LARP4B: variants seen among roughly 807,000 people sequenced by gnomAD.
LARP4B encodes the protein La ribonucleoprotein 4B.
A neutral mutation model predicts 89.8 loss-of-function variants in LARP4B; 12 were observed. The ratio of observed to expected loss-of-function variants is 0.13; its 90% confidence interval spans 0.09 to 0.22. The LOEUF is 0.22. Among genes scored for constraint, LARP4B ranks in the 10% least tolerant of loss-of-function variants. The probability of loss-of-function intolerance (pLI) is 1.00; values close to 1 mark genes in which losing one functional copy is unlikely to be tolerated. For missense variants in LARP4B, 757 were observed against 947.7 expected (o/e 0.80, Z 2.64); for synonymous variants, 367 against 363.3 (o/e 1.01, Z -0.12).
chr10:908,958 G>A (rs1836577336), intron 1 of LARP4B, among the ~76,000 whole-genome samples: 2 of 152,096 alleles, frequency 1.3e-5, no homozygotes, highest in Admixed American at 1.3e-4. Context: ...CACACAGCAT[G>A]TGTTACACAC....
chr10:901,076 C>T (rs576449268), intron 1 of LARP4B, among the ~76,000 whole-genome samples: 7 of 151,848 alleles, frequency 4.6e-5, no homozygotes, highest in East Asian at 3.9e-4. Flanking sequence ...CCTGCCACCA[C>T]GCCCGGCTAA....
intron 11 of LARP4B, among the ~76,000 whole-genome samples, chr10:827,443 C>T (rs1473662549): frequency 6.6e-6 from 1 of 152,084 alleles, no homozygotes; most frequent in African/African-American, 2.4e-5. Flanking sequence ...TAAAATTGGT[C>T]ATATATAAAA....
rs3831337 is a variant in LARP4B, at chr10:845,125, AG to A, written c.431-71del. ...TAGGAAGCAGATAATTCAGTACAGCAGTTCTAATGCTTTCAACTTACGTTCT... is the reference window on the plus strand; with the variant it reads ...TAGGAAGCAGATAATTCAGTACAGCATTCTAATGCTTTCAACTTACGTTCT... On this transcript the variant is annotated intron_variant, in intron 5 of 17. Coordinates refer to ENST00000316157, the MANE Select transcript of LARP4B (RefSeq NM_015155.3). The A allele has an allele frequency of 7.4e-6, 8 of 1,085,934 alleles. No homozygotes were observed. The East Asian group carries it at 1.9e-4, about 26-fold the overall frequency. 67.3% of individuals were successfully genotyped at this position (1,085,934 alleles called of 1,614,324 possible).
chr10:811,231 T>C lies in LARP4B; in HGVS notation c.*1695A>G, dbSNP rs1249700619. On this transcript the variant is annotated 3_prime_UTR_variant, in exon 18 of 18. Coordinates refer to ENST00000316157, the MANE Select transcript of LARP4B (RefSeq NM_015155.3). ...AAAATAATATTCAAACCACAACATT[T>C]AGTTTATCTACATCCCGCTCAACAG... is the stretch of plus-strand genomic sequence containing the variant. The C allele has an allele frequency of 6.6e-6, 1 of 152,640 alleles. No individual in the cohort carries two copies. Among genetic ancestry groups the C allele is most frequent in the Non-Finnish European group, 1.5e-5 (1 of 68,036 alleles). The allele number at this position is 152,640 out of a possible 1,614,324, so 9.5% of individuals were successfully genotyped here. A position where few individuals can be genotyped will look rare whatever the true frequency, so the allele number is the denominator to read the frequency against.
chr10:814,835 C>T lies in LARP4B; in HGVS notation c.1836G>A (p.Ala612=), dbSNP rs139284136. The stretch of plus-strand genomic sequence containing the variant: ...CACTGTGGGTTTCCCTCTGTTTCTC[C>T]GCCACCTTGGGATCACTGTAAAAAT... The part of the protein sequence containing the change: ...PAHLPDDPKV[A]EKQRETHSVD... Residue 612 remains alanine, a synonymous_variant, in exon 17 of 18, where the codon GCG becomes GCA. Coordinates refer to ENST00000316157, the MANE Select transcript of LARP4B (RefSeq NM_015155.3). This position sits in a 1 kb window ranked among gnomAD's most constrained non-coding sequence, Gnocchi z 4.4. 58 of 1,594,108 alleles carry T rather than the reference C, an allele frequency of 3.6e-5. No homozygotes were observed. The African/African-American group carries it at 5.1e-4, about 14-fold the overall frequency.
intron 11 of LARP4B, among the ~76,000 whole-genome samples, chr10:827,596 A>G (rs887872673): frequency 6.6e-6 from 1 of 152,224 alleles, no homozygotes; most frequent in African/African-American, 2.4e-5. Flanking sequence ...ACAGACTCAG[A>G]GCAGGACCAG....
At chr10:913,636 T>C (rs1217322621) in intron 1 of LARP4B, among the ~76,000 whole-genome samples, 6 of 152,204 alleles carry the variant, frequency 3.9e-5, no homozygotes, top group African/African-American at 1.4e-4. Flanking sequence ...TCAAGCATAA[T>C]AACTGTTAAG....
In LARP4B at chr10:817,875, CTG is replaced by C; in HGVS notation, c.1543_1544del (p.Gln515ValfsTer36). 6.2e-7 allele frequency: 1 copy of C among 1,613,594 alleles called. No individual in the cohort carries two copies. Among genetic ancestry groups the C allele is most frequent in the Non-Finnish European group, 8.5e-7 (1 of 1,179,514 alleles). On this transcript the variant is annotated frameshift_variant, in exon 15 of 18. Transcript: ENST00000316157. LOFTEE classifies it high-confidence loss of function. Reference protein sequence around the residue: ...REEKFTSSQTQSPTPPKPPSP... With the variant: ...REEKFTSSQTXSPTPPKPPSP... The stretch of plus-strand genomic sequence containing the variant: ...ACGGAGGCTTTGGTGGCGTTGGAGA[CTG>C]TGTCTGGCTGCTCTGCAACAGAATG...
At chr10:918,761 T>C (rs939284737) in intron 1 of LARP4B, among the ~76,000 whole-genome samples, 4 of 151,776 alleles carry the variant, frequency 2.6e-5, no homozygotes, top group African/African-American at 7.3e-5. Context: ...TCTTGTAGCA[T>C]AGGATATCTC....
intron 5 of LARP4B, among the ~76,000 whole-genome samples, chr10:857,892 T>A (rs1834391495): frequency 6.6e-6 from 1 of 152,098 alleles, no homozygotes; most frequent in African/African-American, 2.4e-5. Flanking sequence ...ATTGTAAATT[T>A]AAAAAAGGAT....
intron 13 of LARP4B, among the ~76,000 whole-genome samples, chr10:823,289 C>G (rs1431025465): frequency 6.6e-6 from 1 of 152,180 alleles, no homozygotes; most frequent in Non-Finnish European, 1.5e-5. Context: ...GTGCTCAGGT[C>G]TCAGGTGGGA....
intron 1 of LARP4B, among the ~76,000 whole-genome samples, chr10:920,550 G>GA (rs1836950296): frequency 6.6e-6 from 1 of 152,204 alleles, no homozygotes; most frequent in African/African-American, 2.4e-5. Flanking sequence ...AAGGCAGGCA[G>GA]ATCACTTGAG....
chr10:816,077 A>G (rs527583198), intron 15 of LARP4B, among the ~76,000 whole-genome samples: 1 of 152,242 alleles, frequency 6.6e-6, no homozygotes, highest in South Asian at 2.1e-4. Context: ...AATAATACAA[A>G]AATTAGCCGG....
chr10:972,887 T>C, the LARP4B span: 1 of 456,794 alleles, frequency 2.2e-6, no homozygotes, highest in Non-Finnish European at 4.4e-6. Flanking sequence ...GTTGTTTGTT[T>C]GGAGGGCTCG....
intron 1 of LARP4B, among the ~76,000 whole-genome samples, chr10:914,303 TAAGGA>T (rs1836756625): frequency 6.6e-6 from 1 of 152,108 alleles, no homozygotes; most frequent in East Asian, 1.9e-4. Context: ...TTAAAAGATG[TAAGGA>T]AAGTTGAAAA....
chr10:906,577 T>C (rs112547650), intron 1 of LARP4B, among the ~76,000 whole-genome samples: 2 of 111,008 alleles, frequency 1.8e-5, no homozygotes, highest in Non-Finnish European at 4.3e-5. Flanking sequence ...TCTACCTCCT[T>C]GTCTCCTTGA....
intron 3 of LARP4B, 62 bp downstream of exon 3, chr10:884,385 G>C: frequency 9.1e-7 from 1 of 1,097,242 alleles, no homozygotes; most frequent in East Asian, 2.4e-5. Context: ...TTTTCTTAAG[G>C]AAGTATCTCT....
chr10:960,074 C>T, the LARP4B span, among the ~76,000 whole-genome samples: 2 of 152,232 alleles, frequency 1.3e-5, no homozygotes, highest in South Asian at 4.1e-4. Flanking sequence ...GCGATCAAGC[C>T]ATGAAAAGGC....
intron 3 of LARP4B, among the ~76,000 whole-genome samples, chr10:867,075 T>C (rs1834937934): frequency 6.6e-6 from 1 of 152,268 alleles, no homozygotes; most frequent in Non-Finnish European, 1.5e-5. Flanking sequence ...TGCAAGGTTT[T>C]ATGCCACAAA....
Sources: allele counts gnomAD v4.1 joint callset (sites outside exome capture counted in the v4.1 genomes callset), GRCh38; gene constraint gnomAD v4.1.1; non-coding constraint Gnocchi (gnomAD v3.1); transcripts MANE v1.5; gene names NCBI Gene and HGNC (gene_info 2026-07-23, HGNC 2026-07-21).